The following PI4K2B variants were observed in gnomAD, a reference collection of about 807,000 sequenced individuals.
The protein encoded by PI4K2B is phosphatidylinositol 4-kinase type 2 beta, also known as phosphatidylinositol 4-kinase type 2-beta.
A neutral mutation model predicts 56.6 loss-of-function variants in PI4K2B; 46 were observed. The ratio of observed to expected loss-of-function variants is 0.81; its 90% confidence interval spans 0.64 to 1.04. The LOEUF (loss-of-function observed/expected upper bound fraction) is 1.04, where lower values mean the gene tolerates loss of function less well. Among genes scored for constraint, PI4K2B ranks in the 50% least tolerant of loss-of-function variants. The pLI, the probability that PI4K2B is intolerant of heterozygous loss-of-function variation, is 0.00. For synonymous variants in PI4K2B, 211 were observed against 223.8 expected (o/e 0.94, Z 0.51); for missense variants, 556 against 607.7 (o/e 0.91, Z 0.89).
At chr4:25,252,791 A>G (rs988124305) in intron 2 of PI4K2B, among the ~76,000 whole-genome samples, 3 of 152,028 alleles carry the variant, frequency 2.0e-5, no homozygotes, top group Non-Finnish European at 4.4e-5. Context: ...TTTTGTAATT[A>G]TTTGTAGAGA....
At chr4:25,252,883 G>A (rs1032799888) in intron 2 of PI4K2B, among the ~76,000 whole-genome samples, 1 of 152,170 alleles carries the variant, frequency 6.6e-6, no homozygotes, top group Non-Finnish European at 1.5e-5. Context: ...AAAGTGTTGA[G>A]ATTACAGGTG....
chr4:25,242,512 G>A (rs188591253), intron 1 of PI4K2B, among the ~76,000 whole-genome samples: 10 of 152,306 alleles, frequency 6.6e-5, no homozygotes, highest in South Asian at 2.1e-4. Flanking sequence ...TGCTTCCTCC[G>A]GTATTTGAGA....
intron 1 of PI4K2B, among the ~76,000 whole-genome samples, chr4:25,246,854 C>T (rs553617089): frequency 1.5e-3 from 229 of 152,318 alleles, no homozygotes; most frequent in African/African-American, 4.4e-3. Context: ...GCTGCTGGCG[C>T]GGGTGCTAAG....
intron 9 of PI4K2B, among the ~76,000 whole-genome samples, chr4:25,273,652 C>T (rs1011410194): frequency 4.6e-5 from 7 of 152,222 alleles, no homozygotes; most frequent in Non-Finnish European, 8.8e-5. Context: ...TGCCTCTGCC[C>T]GGGGCCCTTA....
In PI4K2B at chr4:25,268,520, A is replaced by C; in HGVS notation, c.1156A>C (p.Ile386Leu). The C allele has an allele frequency of 6.3e-7, 1 of 1,599,940 alleles. No homozygotes were observed. Among genetic ancestry groups the C allele is most frequent in the Non-Finnish European group, 8.5e-7 (1 of 1,170,694 alleles). Residue 386 changes from isoleucine (I) to leucine (L), a missense_variant, in exon 8 of 10, where the codon ATT becomes CTT. Coordinates refer to ENST00000264864, the MANE Select transcript of PI4K2B (RefSeq NM_018323.4). ...AATAAGAAATTTGATTCTACCATATATTTCTGACATGAACTTTGTGCAAGA... is the reference window on the plus strand; with the variant it reads ...AATAAGAAATTTGATTCTACCATATCTTTCTGACATGAACTTTGTGCAAGA... ...EEIRNLILPY[I>L]SDMNFVQDLC...
chr4:25,236,630 GAATT>G (rs1265536995), intron 1 of PI4K2B, among the ~76,000 whole-genome samples: 3 of 152,196 alleles, frequency 2.0e-5, no homozygotes, highest in Non-Finnish European at 4.4e-5. Context: ...TGAGGATTCA[GAATT>G]AATAAACTGG....
In PI4K2B at chr4:25,255,265, G is replaced by C. The variant is rs1409482603; in HGVS notation, c.624G>C (p.Lys208Asn). Residue 208 changes from lysine to asparagine, a missense_variant and splice_region_variant, in exon 3 of 10, where the codon AAG becomes AAC. Physicochemically the swap from Lys to Asn is moderately conservative, Grantham distance 94 (BLOSUM62 0). Coordinates refer to ENST00000264864, the MANE Select transcript of PI4K2B (RefSeq NM_018323.4). ...ATCTGAGCATTGTACCTAAAACAAA[G>C]GTAAGCCAGACTTTATTTTTAACCA... The part of the protein sequence containing the change: ...KLHLSIVPKT[K>N]VVWLVSETFN... The C allele has an allele frequency of 2.5e-6, 4 of 1,612,308 alleles. No homozygotes were observed. The highest frequency in any genetic ancestry group is 1.6e-4 in the Middle Eastern group (1 of 6,062).
chr4:25,264,395 A>G (rs1308336661), intron 7 of PI4K2B, among the ~76,000 whole-genome samples: 2 of 152,216 alleles, frequency 1.3e-5, no homozygotes, highest in Non-Finnish European at 2.9e-5. Context: ...TATAATTAAA[A>G]AAATTCCCTC....
chr4:25,277,276 G>C lies in PI4K2B; in HGVS notation c.*89G>C. ...TATAAATCTGCTGTTAGGAGCTCCAGTTGCTAAAACCTCAATTTAAGTCTT... is the reference window on the plus strand; with the variant it reads ...TATAAATCTGCTGTTAGGAGCTCCACTTGCTAAAACCTCAATTTAAGTCTT... On this transcript the variant is annotated 3_prime_UTR_variant, in exon 10 of 10. Coordinates refer to ENST00000264864, the MANE Select transcript of PI4K2B (RefSeq NM_018323.4). 1 of 1,394,586 alleles carries C rather than the reference G, an allele frequency of 7.2e-7. No homozygotes were observed. The highest frequency in any genetic ancestry group is 2.4e-5 in the East Asian group (1 of 42,446). The allele number at this position is 1,394,586 out of a possible 1,614,324, so 86.4% of individuals were successfully genotyped here. A position where few individuals can be genotyped will look rare whatever the true frequency, so the allele number is the denominator to read the frequency against.
intron 9 of PI4K2B, among the ~76,000 whole-genome samples, chr4:25,270,335 T>G (rs567215676): frequency 5.3e-4 from 81 of 151,796 alleles, no homozygotes; most frequent in African/African-American, 1.7e-3. Context: ...GTTTTTTTGG[T>G]TTTTTTTCTT....
At chr4:25,261,576 A>G (rs1716480069) in intron 6 of PI4K2B, among the ~76,000 whole-genome samples, 2 of 152,324 alleles carry the variant, frequency 1.3e-5, no homozygotes, top group Admixed American at 6.5e-5. Flanking sequence ...CTGTTGCATC[A>G]TTTTTAAAAG....
intron 9 of PI4K2B, among the ~76,000 whole-genome samples, chr4:25,275,880 G>A (rs1717075021): frequency 6.6e-6 from 1 of 152,090 alleles, no homozygotes; most frequent in South Asian, 2.1e-4. Flanking sequence ...AAGGCAGGAG[G>A]ATTGCATGAG....
chr4:25,236,963 A>G (rs778191111), intron 1 of PI4K2B, among the ~76,000 whole-genome samples: 9 of 152,218 alleles, frequency 5.9e-5, no homozygotes, highest in Non-Finnish European at 1.2e-4. Flanking sequence ...TTTGTCCTTT[A>G]CCATCCGATT....
chr4:25,245,878 T>G (rs947138789), intron 1 of PI4K2B, among the ~76,000 whole-genome samples: 2 of 152,110 alleles, frequency 1.3e-5, no homozygotes, highest in Non-Finnish European at 2.9e-5. Context: ...GTCTCACTGC[T>G]TGGCAATAGG....
At chr4:25,276,804 TGTGTGTGTGTGTGCGC>T (rs1267045601) in intron 9 of PI4K2B, 194 bp from the exon 10 acceptor site, 2 of 977,828 alleles carry the variant, frequency 2.0e-6, no homozygotes, top group Non-Finnish European at 2.4e-6. Flanking sequence ...GCTAATTGTG[TGTGTGTGTGTGTGCGC>T]GTGTGTGTGT....
Position 25,277,387 on chromosome 4 carries a change from T to G in PI4K2B, c.*200T>G. 2.2e-6 allele frequency: 1 copy of G among 460,986 alleles called. No homozygotes were observed. Among genetic ancestry groups the G allele is most frequent in the Non-Finnish European group, 3.6e-6 (1 of 274,124 alleles). The allele number at this position is 460,986 out of a possible 1,614,324, so 28.6% of individuals were successfully genotyped here. On this transcript the variant is annotated 3_prime_UTR_variant, in exon 10 of 10. Transcript: ENST00000264864. ...TCTATTTCAGGGAAGAAGTGCTATATCTCCTATATTGTATTTTTGTAGAAA... is the reference window on the plus strand; with the variant it reads ...TCTATTTCAGGGAAGAAGTGCTATAGCTCCTATATTGTATTTTTGTAGAAA...
chr4:25,242,204 C>G (rs141895094), intron 1 of PI4K2B, among the ~76,000 whole-genome samples: 1,569 of 152,280 alleles, frequency 0.01, 22 homozygotes, highest in African/African-American at 0.035. Context: ...CCTTGATTAG[C>G]TAGAAAGTTC....
chr4:25,250,208 G>A (rs1715994445), intron 1 of PI4K2B, among the ~76,000 whole-genome samples: 1 of 152,166 alleles, frequency 6.6e-6, no homozygotes, highest in African/African-American at 2.4e-5. Flanking sequence ...GGGAGACCGT[G>A]CAAAGAAGAG....
At chr4:25,253,619 A>G (rs1345600918) in intron 2 of PI4K2B, among the ~76,000 whole-genome samples, 2 of 152,242 alleles carry the variant, frequency 1.3e-5, no homozygotes, top group East Asian at 3.8e-4. Context: ...TGTGTTATAA[A>G]GCAATTATAT....
Sources: allele counts gnomAD v4.1 joint callset (sites outside exome capture counted in the v4.1 genomes callset), GRCh38; gene constraint gnomAD v4.1.1; transcripts MANE v1.5; gene names NCBI Gene and HGNC (gene_info 2026-07-23, HGNC 2026-07-21).